SSX7: variants seen among roughly 807,000 people sequenced by gnomAD.
The protein encoded by SSX7 is SSX family member 7.
In SSX7, 15 loss-of-function variants were observed where a neutral mutation model predicts 14.7. The observed-to-expected ratio is 1.02, with a 90% CI of 0.68 to 1.58. The LOEUF (loss-of-function observed/expected upper bound fraction) is 1.58. Ranked by LOEUF, SSX7 falls within the 40% of genes most tolerant of loss-of-function variation. SSX7 has a pLI of 0.00. For synonymous variants in SSX7, 46 were observed against 50.6 expected (o/e 0.91, Z 0.38); for missense variants, 178 against 146.8 (o/e 1.21, Z -1.10).
rs1925460433 is a variant in SSX7 at position 52,652,303 on chromosome X, T to A, written c.229A>T (p.Thr77Ser). 1 of 1,209,887 alleles carries A rather than the reference T, an allele frequency of 8.3e-7. No individual in the cohort carries two copies. Among genetic ancestry groups the A allele is most frequent in the Non-Finnish European group, 1.1e-6 (1 of 894,486 alleles). Residue 77 changes from threonine (T) to serine (S), a missense_variant, in exon 4 of 8, where the codon ACA becomes TCA. Transcript: ENST00000298181. ...TCAAAATCATTCCCCTGGAGGTCTGTGGCCCCTGTATTATGCATGAAAGGT... is the reference window on the plus strand; with the variant it reads ...TCAAAATCATTCCCCTGGAGGTCTGAGGCCCCTGTATTATGCATGAAAGGT... ...LPPFMHNTGATDLQGNDFDND... is the reference protein window; with the variant it reads ...LPPFMHNTGASDLQGNDFDND...
Position 52,651,054 on chromosome X carries a change from A to G in SSX7, c.281-652T>C, listed in dbSNP as rs782798094. 5.4e-5 allele frequency among the ~76,000 whole-genome samples: 6 copies of G among 111,905 alleles called. No individual in the cohort carries two copies. In the South Asian group the frequency reaches 2.3e-3, roughly 43 times the overall value. On this transcript the variant is annotated intron_variant, in intron 4 of 7. Transcript: ENST00000298181. ...AAGGAAACACATATGTGACCCCTTT[A>G]TATTCCCAAAACGTACAAAGATCTC...
chrX:52,649,425 T>C (rs1171445227), intron 5 of SSX7, among the ~76,000 whole-genome samples: 1 of 112,317 alleles, frequency 8.9e-6, no homozygotes, highest in African/African-American at 3.2e-5. Flanking sequence ...TTGTAAACAC[T>C]GTTTAAATGC....
chrX:52,647,920 T>C (rs1925300975), intron 6 of SSX7, among the ~76,000 whole-genome samples: 1 of 112,144 alleles, frequency 8.9e-6, no homozygotes, highest in Admixed American at 9.5e-5. Context: ...TTATCAAAGA[T>C]AGAATCGCTT....
intron 6 of SSX7, among the ~76,000 whole-genome samples, chrX:52,646,689 C>T (rs182799334): frequency 8.9e-6 from 1 of 112,113 alleles, no homozygotes; most frequent in Non-Finnish European, 1.9e-5. Context: ...AGCTATTCCC[C>T]ATCTCTCCTC....
At chrX:52,649,607 G>T (rs1391237768) in intron 5 of SSX7, among the ~76,000 whole-genome samples, 1 of 111,527 alleles carries the variant, frequency 9.0e-6, no homozygotes, top group African/African-American at 3.3e-5. Context: ...GGGGCTTCTG[G>T]GATGCCCCAG....
chrX:52,654,363 A>ATTT (rs1925534799), intron 1 of SSX7, among the ~76,000 whole-genome samples: 1 of 19,217 alleles, frequency 5.2e-5, no homozygotes, highest in African/African-American at 1.9e-4. Flanking sequence ...GATTTGAGTG[A>ATTT]GTTTTTTTTT....
intron 3 of SSX7, among the ~76,000 whole-genome samples, chrX:52,652,648 G>C (rs1459615427): frequency 9.0e-6 from 1 of 110,724 alleles, no homozygotes; most frequent in Admixed American, 9.7e-5. Context: ...AAGCCTAAGG[G>C]AGAGAAACGT....
chrX:52,646,719 T>C (rs1390582602), intron 6 of SSX7, among the ~76,000 whole-genome samples: 1 of 111,743 alleles, frequency 8.9e-6, no homozygotes, highest in Non-Finnish European at 1.9e-5. Context: ...GACCTCCCTA[T>C]TTCTTGAGAC....
At chrX:52,647,843 T>C (rs1227388473) in intron 6 of SSX7, among the ~76,000 whole-genome samples, 1 of 112,059 alleles carries the variant, frequency 8.9e-6, no homozygotes, top group African/African-American at 3.2e-5. Context: ...GAACCGAATC[T>C]GCAATATCTC....
intron 4 of SSX7, among the ~76,000 whole-genome samples, chrX:52,652,011 T>C (rs1753601392): frequency 9.0e-6 from 1 of 111,419 alleles, no homozygotes; most frequent in African/African-American, 3.3e-5. Flanking sequence ...TTATTCACAT[T>C]CATGTTTGTA....
In SSX7 at chrX:52,652,926, A is replaced by C. The variant is rs3122210; in HGVS notation, c.128T>G (p.Leu43Trp). 1 of 1,202,219 alleles carries C rather than the reference A, an allele frequency of 8.3e-7. No homozygotes were observed. Among genetic ancestry groups the C allele is most frequent in the African/African-American group, 1.8e-5 (1 of 57,083 alleles). ...SKKEWEKMKS[L>W]EKISYVYMKR... The stretch of plus-strand genomic sequence containing the variant: ...CATATACACATAGCTGATTTTCTCC[A>C]AGGATTTCATCTTTTCCCACTCTTT... The change falls in exon 3 of 8, where the codon TTG (leucine) becomes TGG (tryptophan). Residue 43 changes from leucine (L) to tryptophan (W), a missense_variant. By Grantham distance (61) the Leu-to-Trp change is moderately conservative. Coordinates refer to ENST00000298181, the MANE Select transcript of SSX7 (RefSeq NM_173358.2).
At chrX:52,652,544 A>T (rs1478037354) in intron 3 of SSX7, among the ~76,000 whole-genome samples, 197 bp from the exon 4 acceptor site, 1 of 109,710 alleles carries the variant, frequency 9.1e-6, no homozygotes, top group South Asian at 4.1e-4. Context: ...CTCAAAAAAA[A>T]AGAAAGAAAG....
chrX:52,654,193 T>A (rs782097501), intron 1 of SSX7, among the ~76,000 whole-genome samples: 3 of 107,985 alleles, frequency 2.8e-5, no homozygotes, highest in Non-Finnish European at 5.7e-5. Context: ...CTTGAGCCCA[T>A]GAGCTTGAGA....
intron 7 of SSX7, 145 bp from the exon 8 acceptor site, chrX:52,644,815 G>A: frequency 1.4e-6 from 1 of 700,333 alleles, no homozygotes; most frequent in Non-Finnish European, 2.2e-6. Context: ...ATGGTTCCTT[G>A]AAGTGAACCA....
At position 52,653,392 on chromosome X, in the gene SSX7, A is replaced by G. The variant is rs782020297; in HGVS notation, c.69+12T>C. The G allele has an allele frequency of 8.3e-7, 1 of 1,211,014 alleles. No individual in the cohort carries two copies. Among genetic ancestry groups the G allele is most frequent in the Non-Finnish European group, 1.1e-6 (1 of 895,176 alleles). ...CCTGGGCCACTACTCTGCTCCCTCC[A>G]GGTCACCTCACCTTTTGGATCTTCT... is the stretch of plus-strand genomic sequence containing the variant. On this transcript the variant is annotated intron_variant, in intron 2 of 7. Transcript: ENST00000298181.
Position 52,653,429 on chromosome X carries a change from G to C in SSX7, c.44C>G (p.Ala15Gly). 1 of 1,211,417 alleles carries C rather than the reference G, an allele frequency of 8.3e-7. No homozygotes were observed. Among genetic ancestry groups the C allele is most frequent in the South Asian group, 1.8e-5 (1 of 56,924 alleles). Residue 15 changes from alanine (A) to glycine (G), a missense_variant, in exon 2 of 8, where the codon GCT (alanine) becomes GGT (glycine). Ala to Gly is a moderately conservative substitution (Grantham distance 60). Coordinates refer to ENST00000298181, the MANE Select transcript of SSX7 (RefSeq NM_173358.2). ...CTTTTGGATCTTCTCTGGTATTTGA[G>C]CACCAGCCCTAGGTCTCCTTGCAAA... ...DAFARRPRAG[A>G]QIPEKIQKSF... is the part of the protein sequence containing the mutation.
chrX:52,654,382 T>TTTTC (rs1925538918), intron 1 of SSX7, among the ~76,000 whole-genome samples: 1 of 98,034 alleles, frequency 1.0e-5, no homozygotes, highest in African/African-American at 3.8e-5. Flanking sequence ...TTTTTTTTTT[T>TTTTC]TTTGAGTCAT....
chrX:52,654,130 A>C (rs1327870574), intron 1 of SSX7, among the ~76,000 whole-genome samples: 5 of 110,862 alleles, frequency 4.5e-5, no homozygotes, highest in African/African-American at 9.8e-5. Context: ...AGCCAGGCGC[A>C]GTGGCTCACG....
At chrX:52,647,538 G>A (rs1925289186) in intron 6 of SSX7, among the ~76,000 whole-genome samples, 1 of 111,451 alleles carries the variant, frequency 9.0e-6, no homozygotes. Context: ...TCATTGTTGT[G>A]TTCTTTTAAG....
Sources: gnomAD v4.1 joint callset for allele counts (sites outside exome capture counted in the v4.1 genomes callset) on GRCh38, gnomAD v4.1.1 for gene constraint, MANE v1.5 for transcripts, NCBI Gene and HGNC (gene_info 2026-07-23, HGNC 2026-07-21) for gene names.